The following SCML2 variants were observed in gnomAD, a reference collection of about 807,000 sequenced individuals.
The protein encoded by SCML2 is Scm polycomb group protein like 2.
A neutral mutation model predicts 48.4 loss-of-function variants in SCML2; 6 were observed. The ratio of observed to expected loss-of-function variants is 0.12; its 90% CI spans 0.07 to 0.24. The LOEUF is 0.24. Ranked by LOEUF, SCML2 falls within the 10% of genes least tolerant of loss-of-function variation. The probability of loss-of-function intolerance (pLI) is 1.00; values close to 1 mark genes in which losing one functional copy is unlikely to be tolerated. For synonymous variants in SCML2, 181 were observed against 189.5 expected (o/e 0.95, Z 0.37); for missense variants, 377 against 528.2 (o/e 0.71, Z 2.81).
intron 1 of SCML2, among the ~76,000 whole-genome samples, chrX:18,353,837 G>A (rs1930449574): frequency 8.8e-6 from 1 of 113,041 alleles, no homozygotes; most frequent in African/African-American, 3.2e-5. Context: ...CACCTGGATG[G>A]GGCGCAAGCA....
chrX:18,317,083 A>T (rs749846412), intron 6 of SCML2, among the ~76,000 whole-genome samples: 52 of 111,647 alleles, frequency 4.7e-4, no homozygotes, highest in Non-Finnish European at 6.6e-4. Context: ...TTTTTTCTTT[A>T]TAATTTTTAA....
chrX:18,314,540 A>G (rs1449497286), intron 6 of SCML2, among the ~76,000 whole-genome samples: 1 of 111,948 alleles, frequency 8.9e-6, no homozygotes, highest in Non-Finnish European at 1.9e-5. Context: ...TCACTACTCA[A>G]ATTTCCCAGA....
intron 1 of SCML2, among the ~76,000 whole-genome samples, chrX:18,338,669 T>G (rs1362501127): frequency 9.3e-6 from 1 of 107,988 alleles, no homozygotes; most frequent in East Asian, 3.0e-4. Flanking sequence ...TTCCAGCACT[T>G]GGGAAGGCCA....
chrX:18,306,740 C>A (rs1178492584), intron 6 of SCML2, among the ~76,000 whole-genome samples: 3 of 111,121 alleles, frequency 2.7e-5, no homozygotes, highest in Non-Finnish European at 5.7e-5. Context: ...ATCTCATCAC[C>A]CTGTATTTTT....
intron 1 of SCML2, among the ~76,000 whole-genome samples, chrX:18,342,687 G>A (rs1244789702): frequency 9.3e-6 from 1 of 107,922 alleles, no homozygotes; most frequent in Admixed American, 9.9e-5. Context: ...ACTCCAGCCT[G>A]GGCAACAGAG....
chrX:18,297,049 T>C (rs1049308778), intron 7 of SCML2, among the ~76,000 whole-genome samples: 1 of 111,435 alleles, frequency 9.0e-6, no homozygotes, highest in African/African-American at 3.3e-5. Context: ...CAAGATCAAG[T>C]AGGATTTGTC....
At chrX:18,309,719 G>C (rs774713675) in intron 6 of SCML2, among the ~76,000 whole-genome samples, 1 of 111,776 alleles carries the variant, frequency 8.9e-6, no homozygotes, top group African/African-American at 3.3e-5. Context: ...TAAACAGTGA[G>C]TACACATGGA....
At position 18,247,846 on chromosome X, in the gene SCML2, C is replaced by T. The variant is rs771518877; in HGVS notation, c.1493G>A (p.Arg498Gln). The change falls in exon 12 of 15, where the codon CGA becomes CAA. Residue 498 changes from arginine (R) to glutamine (Q), a missense_variant. Around this residue, in one of 3 missense-constraint regions of SCML2, gnomAD observed 299 missense variants for 425.5 expected, o/e 0.70. Transcript: ENST00000251900. Reference protein sequence around the residue: ...EDVTERQSTKRSPQQTVPYVV... With the variant: ...EDVTERQSTKQSPQQTVPYVV... ...ATATGGTACAGTTTGCTGAGGAGAT[C>T]GTTTGGTGCTTTGCCTTTCTGTTAC... 5 of 1,208,758 alleles carry T rather than the reference C, an allele frequency of 4.1e-6. No individual in the cohort carries two copies. In the Admixed American group the frequency reaches 1.1e-4, roughly 26 times the overall value.
intron 13 of SCML2, among the ~76,000 whole-genome samples, chrX:18,245,750 T>C (rs1926422294): frequency 8.9e-6 from 1 of 112,080 alleles, no homozygotes; most frequent in Non-Finnish European, 1.9e-5. Context: ...CTTTCTTCTT[T>C]CTTTTTGAGA....
chrX:18,306,182 C>A (rs1928750367), intron 6 of SCML2, among the ~76,000 whole-genome samples: 1 of 111,639 alleles, frequency 9.0e-6, no homozygotes, highest in Admixed American at 9.5e-5. Context: ...TATGGTGGGT[C>A]CTGGGAAGCA....
At chrX:18,348,848 T>G (rs1351537966) in intron 1 of SCML2, among the ~76,000 whole-genome samples, 1 of 112,130 alleles carries the variant, frequency 8.9e-6, no homozygotes, top group East Asian at 2.8e-4. Flanking sequence ...GAAACACATT[T>G]GATTCAGCAT....
chrX:18,278,268 A>G (rs1480995414), intron 7 of SCML2, among the ~76,000 whole-genome samples: 1 of 112,178 alleles, frequency 8.9e-6, no homozygotes, highest in East Asian at 2.8e-4. Flanking sequence ...GCACCACTGA[A>G]GCAAAGGCTG....
At position 18,291,643 on chromosome X, in the gene SCML2, G is replaced by A. The variant is rs766083705; in HGVS notation, c.730+13329C>T. Among the ~76,000 whole-genome samples the A allele has an allele frequency of 7.2e-4, 80 of 110,707 alleles. 5 individuals carry two copies. Among genetic ancestry groups the A allele is most frequent in the African/African-American group, 9.8e-5 (3 of 30,622 alleles). On this transcript the variant is annotated intron_variant, in intron 7 of 14. Transcript: ENST00000251900. Reference sequence around the variant, plus strand: ...TTAATTATAAAGTTTTAAGTGCTACGACCTTAAAATATTTTGGAAAAGCTG... The same window carrying A: ...TTAATTATAAAGTTTTAAGTGCTACAACCTTAAAATATTTTGGAAAAGCTG...
In SCML2 at chrX:18,349,491, T is replaced by C. The variant is rs767181164; in HGVS notation, c.-25+5101A>G. Among the ~76,000 whole-genome samples, 26 of 112,964 alleles carry C rather than the reference T, an allele frequency of 2.3e-4. 1 individual carries two copies. The highest frequency in any genetic ancestry group is 2.1e-3 in the Admixed American group (23 of 10,704). ...CACACAATAAGATATCTCCATTGCTTATGTTAACACCTCTCCAGGCTGGGC... is the reference window on the plus strand; with the variant it reads ...CACACAATAAGATATCTCCATTGCTCATGTTAACACCTCTCCAGGCTGGGC... On this transcript the variant is annotated intron_variant, in intron 1 of 14. Coordinates refer to ENST00000251900, the MANE Select transcript of SCML2 (RefSeq NM_006089.3).
chrX:18,275,667 T>C (rs1927606040), intron 7 of SCML2, among the ~76,000 whole-genome samples: 1 of 112,480 alleles, frequency 8.9e-6, no homozygotes, highest in Non-Finnish European at 1.9e-5. Flanking sequence ...TGCTGATTGT[T>C]AATGTTAATG....
chrX:18,334,422 T>G (rs1452636450), intron 1 of SCML2, among the ~76,000 whole-genome samples: 2 of 111,868 alleles, frequency 1.8e-5, no homozygotes, highest in Non-Finnish European at 3.8e-5. Flanking sequence ...GGTATGCAAA[T>G]TTTGACTCAA....
chrX:18,273,535 C>CCAAATGT (rs762289158), intron 7 of SCML2, among the ~76,000 whole-genome samples: 1 of 111,805 alleles, frequency 8.9e-6, no homozygotes, highest in East Asian at 2.8e-4. Context: ...CTTCCTCCCT[C>CCAAATGT]CAAATGTCTA....
intron 7 of SCML2, among the ~76,000 whole-genome samples, chrX:18,289,974 T>A (rs1363466146): frequency 2.7e-5 from 3 of 110,625 alleles, no homozygotes; most frequent in African/African-American, 9.9e-5. Flanking sequence ...TTAGAGTTTT[T>A]CAAAATAGAA....
intron 4 of SCML2, among the ~76,000 whole-genome samples, chrX:18,324,367 A>G (rs1357474944): frequency 8.9e-6 from 1 of 111,829 alleles, no homozygotes; most frequent in African/African-American, 3.3e-5. Context: ...GTGGCTTTCT[A>G]AAGTAAGAAT....
Sources: allele counts gnomAD v4.1 joint callset (sites outside exome capture counted in the v4.1 genomes callset), GRCh38; gene constraint gnomAD v4.1.1; regional missense constraint gnomAD v4.1.1; transcripts MANE v1.5; gene names NCBI Gene and HGNC (gene_info 2026-07-23, HGNC 2026-07-21).